NEK1: variants seen among roughly 807,000 people sequenced by gnomAD.
NEK1 encodes the protein serine/threonine-protein kinase Nek1.
A neutral mutation model predicts 182.1 loss-of-function variants in NEK1; 137 were observed. That is an observed-to-expected ratio of 0.75 (90% CI 0.65 to 0.87). The LOEUF is 0.87. NEK1 is among the 40% of genes least tolerant of loss of function. NEK1 has a pLI of 0.00. For missense variants in NEK1, 1,391 were observed against 1,494.4 expected (o/e 0.93, Z 1.14); for synonymous variants, 513 against 492.2 (o/e 1.04, Z -0.56).
chr4:169,480,612 C>T (rs1187845355), intron 23 of NEK1, among the ~76,000 whole-genome samples: 2 of 151,340 alleles, frequency 1.3e-5, no homozygotes, highest in Non-Finnish European at 2.9e-5. Context: ...TGGCTACTGA[C>T]TGATCAGGGT....
intron 32 of NEK1, among the ~76,000 whole-genome samples, chr4:169,402,340 T>C (rs1343885610): frequency 6.6e-6 from 1 of 152,226 alleles, no homozygotes; most frequent in Non-Finnish European, 1.5e-5. Flanking sequence ...ACATGCCCAT[T>C]GGGCATTTGA....
chr4:169,410,564 T>C (rs569263302), intron 31 of NEK1, among the ~76,000 whole-genome samples: 90 of 152,306 alleles, frequency 5.9e-4, no homozygotes, highest in African/African-American at 2.1e-3. Context: ...GCTGCTGCTC[T>C]CTAAGAATAA....
intron 27 of NEK1, 137 bp downstream of exon 27, chr4:169,463,106 C>A (rs770461707): frequency 1.3e-4 from 65 of 516,652 alleles, no homozygotes; most frequent in Admixed American, 2.1e-4. Context: ...CACAATCATT[C>A]TCAATCTAAT....
At chr4:169,488,407 C>T (rs1749444868) in intron 23 of NEK1, among the ~76,000 whole-genome samples, 1 of 152,110 alleles carries the variant, frequency 6.6e-6, no homozygotes, top group African/African-American at 2.4e-5. Context: ...GCCAGTTCTC[C>T]CAGCACCATT....
At chr4:169,478,148 C>T (rs564852573) in intron 24 of NEK1, among the ~76,000 whole-genome samples, 17 of 151,906 alleles carry the variant, frequency 1.1e-4, no homozygotes, top group African/African-American at 2.7e-4. Context: ...TTAGCAGTTA[C>T]GAAAGCTATG....
chr4:169,581,495 G>C (rs1308550499), intron 10 of NEK1, among the ~76,000 whole-genome samples: 3 of 152,102 alleles, frequency 2.0e-5, no homozygotes, highest in African/African-American at 7.2e-5. Flanking sequence ...ATGTTGCTCA[G>C]GCTGGTCTCG....
At chr4:169,561,335 T>A in intron 16 of NEK1, 145 bp downstream of exon 16, 1 of 693,594 alleles carries the variant, frequency 1.4e-6, no homozygotes, top group Non-Finnish European at 2.5e-6. Flanking sequence ...AAGCTAAGTA[T>A]TCATAATAAA....
At chr4:169,472,042 T>C (rs1265438329) in intron 26 of NEK1, among the ~76,000 whole-genome samples, 2 of 152,006 alleles carry the variant, frequency 1.3e-5, no homozygotes, top group African/African-American at 4.8e-5. Context: ...TCTTAGCTTG[T>C]GGGGCTCCGT....
In NEK1 at chr4:169,394,402, C is replaced by T. The variant is rs865877221; in HGVS notation, c.*108G>A. ...TGCAATAAGAAAGTCCATCTTAAAT[C>T]TGATTTTTTAAATAAATAATTGCTG... On this transcript the variant is annotated 3_prime_UTR_variant, in exon 36 of 36. Transcript: ENST00000507142. The T allele has an allele frequency of 1.5e-6, 1 of 687,028 alleles. No individual in the cohort carries two copies. The highest frequency in any genetic ancestry group is 2.5e-4 in the Middle Eastern group (1 of 4,006). The allele number at this position is 687,028 out of a possible 1,614,324, so 42.6% of individuals were successfully genotyped here.
intron 5 of NEK1, among the ~76,000 whole-genome samples, chr4:169,596,024 G>A (rs571151174): frequency 8.6e-5 from 13 of 151,684 alleles, no homozygotes; most frequent in African/African-American, 2.2e-4. Flanking sequence ...TCCCTGCGTC[G>A]TAAATGGTAA....
chr4:169,485,435 T>C (rs373014505), intron 23 of NEK1, among the ~76,000 whole-genome samples: 141 of 152,314 alleles, frequency 9.3e-4, no homozygotes, highest in African/African-American at 3.1e-3. Context: ...TCTGTATAAA[T>C]ATCATGGTGT....
chr4:169,399,080 C>T (rs951260209), intron 35 of NEK1, among the ~76,000 whole-genome samples: 1 of 151,444 alleles, frequency 6.6e-6, no homozygotes, highest in African/African-American at 2.4e-5. Flanking sequence ...GAGACCCCAT[C>T]TCTACTAAAA....
intron 27 of NEK1, among the ~76,000 whole-genome samples, chr4:169,455,117 A>T (rs1387344692): frequency 6.6e-6 from 1 of 152,186 alleles, no homozygotes; most frequent in Non-Finnish European, 1.5e-5. Context: ...CATAGGTGGG[A>T]ACTGAACAAT....
chr4:169,548,739 C>T (rs1760935626), intron 18 of NEK1, among the ~76,000 whole-genome samples: 1 of 152,202 alleles, frequency 6.6e-6, no homozygotes, highest in African/African-American at 2.4e-5. Context: ...CCTCCCAGTT[C>T]AAACTTCCCA....
At chr4:169,416,890 G>A (rs1310708794) in intron 31 of NEK1, among the ~76,000 whole-genome samples, 1 of 152,078 alleles carries the variant, frequency 6.6e-6, no homozygotes, top group Non-Finnish European at 1.5e-5. Context: ...GGGAGACAGA[G>A]CAAGACCCTG....
intron 19 of NEK1, among the ~76,000 whole-genome samples, chr4:169,523,352 C>G (rs1325884290): frequency 1.3e-5 from 2 of 152,136 alleles, no homozygotes; most frequent in African/African-American, 4.8e-5. Flanking sequence ...ATGAGGTCAT[C>G]AGAATAGGTC....
At chr4:169,425,192 C>T (rs1736161812) in intron 30 of NEK1, among the ~76,000 whole-genome samples, 1 of 148,142 alleles carries the variant, frequency 6.8e-6, no homozygotes, top group South Asian at 2.1e-4. Context: ...ATAAAATTAG[C>T]CAAGGTGGAG....
At chr4:169,603,092 T>C (rs565695255) in intron 2 of NEK1, among the ~76,000 whole-genome samples, 1 of 152,174 alleles carries the variant, frequency 6.6e-6, no homozygotes, top group Non-Finnish European at 1.5e-5. Context: ...TAGAACAATT[T>C]TGGATAGTTT....
At chr4:169,582,628 T>C (rs1255954751) in intron 10 of NEK1, among the ~76,000 whole-genome samples, 1 of 152,212 alleles carries the variant, frequency 6.6e-6, no homozygotes, top group Non-Finnish European at 1.5e-5. Flanking sequence ...TTTCTTCCAC[T>C]GTTGGAGAAG....
Sources: allele counts gnomAD v4.1 joint callset (sites outside exome capture counted in the v4.1 genomes callset), GRCh38; gene constraint gnomAD v4.1.1; transcripts MANE v1.5; gene names NCBI Gene and HGNC (gene_info 2026-07-23, HGNC 2026-07-21).